KIT: variants seen among roughly 807,000 people sequenced by gnomAD.
The protein encoded by KIT is KIT proto-oncogene, receptor tyrosine kinase.
Under a neutral mutation model 105.7 loss-of-function variants are expected in KIT, and 16 were observed. The ratio of observed to expected loss-of-function variants is 0.15; its 90% confidence interval spans 0.10 to 0.23. The LOEUF (loss-of-function observed/expected upper bound fraction) is 0.23. Ranked by LOEUF, KIT falls within the 10% of genes least tolerant of loss-of-function variation. The probability of loss-of-function intolerance (pLI) is 1.00; values close to 1 mark genes in which losing one functional copy is unlikely to be tolerated. For synonymous variants in KIT, 438 were observed against 441.1 expected, an observed-to-expected ratio of 0.99 and a Z score of 0.09; for missense variants, 858 against 1,213.8, an observed-to-expected ratio of 0.71 and a Z score of 4.36.
intron 4 of KIT, among the ~76,000 whole-genome samples, chr4:54,702,566 T>G (rs1720523314): frequency 6.6e-6 from 1 of 152,134 alleles, no homozygotes; most frequent in Non-Finnish European, 1.5e-5. Context: ...ATCAGATAAT[T>G]GCAATTTTAA....
intron 1 of KIT, among the ~76,000 whole-genome samples, chr4:54,667,660 A>G (rs1403821487): frequency 6.6e-6 from 1 of 152,224 alleles, no homozygotes; most frequent in Non-Finnish European, 1.5e-5. Flanking sequence ...GTAGCGGAAG[A>G]TGAGATGGGA....
intron 7 of KIT, among the ~76,000 whole-genome samples, chr4:54,713,431 T>C (rs978648580): frequency 6.6e-6 from 1 of 152,288 alleles, no homozygotes; most frequent in South Asian, 2.1e-4. Flanking sequence ...TTTGACATCA[T>C]TTTAGCTGAG....
At chr4:54,712,049 G>A (rs948806943) in intron 7 of KIT, among the ~76,000 whole-genome samples, 2 of 151,966 alleles carry the variant, frequency 1.3e-5, no homozygotes, top group Non-Finnish European at 2.9e-5. Context: ...TAGGTAAATC[G>A]GTATCCTTGC....
At chr4:54,701,528 G>T (rs1720450554) in intron 4 of KIT, among the ~76,000 whole-genome samples, 1 of 152,190 alleles carries the variant, frequency 6.6e-6, no homozygotes, top group East Asian at 1.9e-4. Context: ...TAGTTGGTTA[G>T]CTTTCTTAAT....
rs17084632 is a variant in KIT at position 54,671,664 on chromosome 4, G to A, written c.67+13583G>A. ...TTAAATTTATTAGTTGACTAGGGAAGGGTTAAAAAAGCAGTAAGGAGTCTA... is the reference window on the plus strand; with the variant it reads ...TTAAATTTATTAGTTGACTAGGGAAAGGTTAAAAAAGCAGTAAGGAGTCTA... On this transcript the variant is annotated intron_variant, in intron 1 of 20. Coordinates refer to ENST00000288135, the MANE Select transcript of KIT (RefSeq NM_000222.3). Among the ~76,000 whole-genome samples, 717 of 152,224 alleles carry A rather than the reference G, an allele frequency of 4.7e-3. 5 individuals are homozygous for A. Among genetic ancestry groups the A allele is most frequent in the African/African-American group, 0.017 (698 of 41,540 alleles).
chr4:54,679,405 C>T (rs1021056851), intron 1 of KIT, among the ~76,000 whole-genome samples: 7 of 152,174 alleles, frequency 4.6e-5, no homozygotes, highest in Non-Finnish European at 2.9e-5. Context: ...TAGCAATGGC[C>T]TCAGATAAAA....
At chr4:54,738,313 A>G (rs1005260123) in intron 20 of KIT, 116 bp from the exon 21 acceptor site, 4 of 1,279,524 alleles carry the variant, frequency 3.1e-6, no homozygotes, top group Non-Finnish European at 4.6e-6. Flanking sequence ...CTTGGAAACC[A>G]CTTCTCTCTT....
chr4:54,674,326 C>T (rs1228108499), intron 1 of KIT, among the ~76,000 whole-genome samples: 3 of 152,176 alleles, frequency 2.0e-5, no homozygotes, highest in Admixed American at 2.0e-4. Context: ...GGTGGCACAG[C>T]CCTCTCCGCA....
chr4:54,670,600 A>G (rs919164163), intron 1 of KIT, among the ~76,000 whole-genome samples: 2 of 152,204 alleles, frequency 1.3e-5, no homozygotes, highest in Non-Finnish European at 2.9e-5. Context: ...AGGCCTCAGA[A>G]GCCAGGTCTC....
At position 54,738,882 on chromosome 4, in the gene KIT, G is replaced by C. The variant is rs1186193973; in HGVS notation, c.*325G>C. 8.4e-6 allele frequency: 5 copies of C among 595,794 alleles called. No individual in the cohort carries two copies. Among genetic ancestry groups the C allele is most frequent in the African/African-American group, 1.9e-5 (1 of 53,804 alleles). The allele number at this position is 595,794 out of a possible 1,614,324, so 36.9% of individuals were successfully genotyped here. ...CTTCTCCAATTCTGCCCAAAAATAT[G>C]GTTGATAGTTTACCTGAATAAATGG... On this transcript the variant is annotated 3_prime_UTR_variant, in exon 21 of 21. Coordinates refer to ENST00000288135, the MANE Select transcript of KIT (RefSeq NM_000222.3).
At chr4:54,733,023 A>G in intron 16 of KIT, 47 bp from the exon 17 acceptor site, 2 of 1,558,596 alleles carry the variant, frequency 1.3e-6, no homozygotes, top group South Asian at 2.2e-5. Flanking sequence ...ACTCTTTACA[A>G]GTTAAAATGA....
chr4:54,730,669 T>C (rs1722529372), intron 14 of KIT, among the ~76,000 whole-genome samples: 1 of 152,134 alleles, frequency 6.6e-6, no homozygotes, highest in Middle Eastern at 3.2e-3. Context: ...CAATCCTGTG[T>C]GATGTTCTTT....
chr4:54,702,433 A>G (rs187799723), intron 4 of KIT, among the ~76,000 whole-genome samples: 6 of 152,256 alleles, frequency 3.9e-5, no homozygotes, highest in Non-Finnish European at 7.4e-5. Flanking sequence ...TATATTTACA[A>G]CACAACTTAC....
intron 20 of KIT, among the ~76,000 whole-genome samples, chr4:54,738,077 C>A (rs1452323545): frequency 6.6e-6 from 1 of 152,110 alleles, no homozygotes; most frequent in Non-Finnish European, 1.5e-5. Flanking sequence ...CCGTGGGTTT[C>A]CCAGCAAATT....
intron 1 of KIT, among the ~76,000 whole-genome samples, chr4:54,668,397 C>T (rs142204491): frequency 4.7e-4 from 71 of 152,324 alleles, no homozygotes; most frequent in African/African-American, 1.7e-3. Flanking sequence ...TTTTAAATTG[C>T]TTAGTGAGGC....
chr4:54,672,337 G>A (rs1410705019), intron 1 of KIT, among the ~76,000 whole-genome samples: 1 of 151,922 alleles, frequency 6.6e-6, no homozygotes, highest in Non-Finnish European at 1.5e-5. Flanking sequence ...TGTGTAAGTG[G>A]TGTGTTCTCT....
Position 54,739,594 on chromosome 4 carries a change from A to G in KIT, c.*1037A>G, listed in dbSNP as rs924979691. The G allele has an allele frequency of 8.6e-6, 2 of 233,438 alleles. No homozygotes were observed. The highest frequency in any genetic ancestry group is 1.7e-5 in the Non-Finnish European group (2 of 117,946). 14.5% of individuals were successfully genotyped at this position (233,438 alleles called of 1,614,324 possible). A position where few individuals can be genotyped will look rare whatever the true frequency, so the allele number is the denominator to read the frequency against. ...ATCTTAGTTTGGATTCTTATGTAGC[A>G]GGAAATAAAGTATAGGTTTAGCCTC... is the stretch of plus-strand genomic sequence containing the variant. On this transcript the variant is annotated 3_prime_UTR_variant, in exon 21 of 21. Transcript: ENST00000288135.
At chr4:54,677,601 A>G (rs1718571706) in intron 1 of KIT, among the ~76,000 whole-genome samples, 1 of 152,170 alleles carries the variant, frequency 6.6e-6, no homozygotes, top group Non-Finnish European at 1.5e-5. Context: ...ACAGAAGTTG[A>G]TGGCAGGCTG....
intron 1 of KIT, among the ~76,000 whole-genome samples, chr4:54,688,664 C>T (rs1719486774): frequency 6.6e-6 from 1 of 152,228 alleles, no homozygotes; most frequent in East Asian, 1.9e-4. Context: ...ACAGGTCACT[C>T]CTGCTTCCAC....
Sources: allele counts gnomAD v4.1 joint callset (sites outside exome capture counted in the v4.1 genomes callset), GRCh38; gene constraint gnomAD v4.1.1; transcripts MANE v1.5; gene names NCBI Gene and HGNC (gene_info 2026-07-23, HGNC 2026-07-21).